PAWR: variants seen among roughly 807,000 people sequenced by gnomAD.
The protein encoded by PAWR is pro-apoptotic WT1 regulator, also known as PRKC apoptosis WT1 regulator protein.
PAWR carries 23 observed loss-of-function variants against 32.0 expected under a neutral mutation model. The observed-to-expected ratio is 0.72, with a 90% confidence interval of 0.52 to 1.02. The LOEUF (loss-of-function observed/expected upper bound fraction) is 1.02. Among genes scored for constraint, PAWR ranks in the 50% least tolerant of loss-of-function variants. The pLI is 0.00. For missense variants in PAWR, 457 were observed against 437.7 expected (o/e 1.04, Z -0.39); for synonymous variants, 226 against 187.1 (o/e 1.21, Z -1.70).
At chr12:79,682,577 T>C (rs1346599497) in intron 2 of PAWR, among the ~76,000 whole-genome samples, 1 of 152,238 alleles carries the variant, frequency 6.6e-6, no homozygotes, top group Non-Finnish European at 1.5e-5. Flanking sequence ...TCAACTGACA[T>C]GCTAAGATTT....
chr12:79,608,510 C>T, intron 4 of PAWR, among the ~76,000 whole-genome samples: 1 of 152,216 alleles, frequency 6.6e-6, no homozygotes, highest in East Asian at 1.9e-4. Flanking sequence ...TCACCTCCTG[C>T]TGTGTGGACT....
Position 79,690,086 on chromosome 12 carries a change from G to A in PAWR, c.159C>T (p.Pro53=). Residue 53 remains proline (P), a synonymous_variant, in exon 2 of 7, where the codon CCC becomes CCT. Transcript: ENST00000328827. ...CCGGGGTGCCCAGAGCCCCCGCGGG[G>A]GGCTTCCCAGCGGCGTCGCTGCTGC... ...GGGSSDAAGK[P]PAGALGTPAA... The A allele has an allele frequency of 6.9e-7, 1 of 1,439,028 alleles. No individual in the cohort carries two copies. Among genetic ancestry groups the A allele is most frequent in the Non-Finnish European group, 9.0e-7 (1 of 1,105,418 alleles). The allele number at this position is 1,439,028 out of a possible 1,614,324, so 89.1% of individuals were successfully genotyped here.
chr12:79,663,513 C>T (rs902316713), intron 2 of PAWR, among the ~76,000 whole-genome samples: 30 of 152,090 alleles, frequency 2.0e-4, no homozygotes, highest in Admixed American at 1.0e-3. Flanking sequence ...TATTTTACAC[C>T]GTGGGAAGCT....
chr12:79,682,921 A>G (rs1341663522), intron 2 of PAWR, among the ~76,000 whole-genome samples: 1 of 152,246 alleles, frequency 6.6e-6, no homozygotes, highest in African/African-American at 2.4e-5. Context: ...TGGCAAACAC[A>G]ATGCTTTAAA....
chr12:79,616,937 G>T (rs977425529), intron 3 of PAWR, among the ~76,000 whole-genome samples: 4 of 152,174 alleles, frequency 2.6e-5, no homozygotes, highest in Non-Finnish European at 5.9e-5. Flanking sequence ...CTTGTATATA[G>T]CTAATATTTC....
intron 2 of PAWR, among the ~76,000 whole-genome samples, chr12:79,650,266 A>C (rs1168263578): frequency 6.6e-6 from 1 of 152,242 alleles, no homozygotes; most frequent in Non-Finnish European, 1.5e-5. Flanking sequence ...ACACATTTTA[A>C]GCAAATTTTG....
chr12:79,689,898 G>T lies in PAWR; in HGVS notation c.347C>A (p.Ser116Tyr). 6.7e-7 allele frequency: 1 copy of T among 1,503,588 alleles called. No individual in the cohort carries two copies. 93.1% of individuals were successfully genotyped at this position (1,503,588 alleles called of 1,614,324 possible). A position where few individuals can be genotyped will look rare whatever the true frequency, so the allele number is the denominator to read the frequency against. ...RRSEDEPPAA[S>Y]ASAAPPPQRD... Reference sequence around the variant, plus strand: ...CTGGGGCGGCGGTGCAGCCGAGGCAGAGGCGGCTGGGGGCTCGTCCTCCGA... The same window carrying T: ...CTGGGGCGGCGGTGCAGCCGAGGCATAGGCGGCTGGGGGCTCGTCCTCCGA... The change falls in exon 2 of 7, where the codon TCT becomes TAT. Residue 116 changes from serine (S) to tyrosine (Y), a missense_variant. Coordinates refer to ENST00000328827, the MANE Select transcript of PAWR (RefSeq NM_002583.4).
intron 4 of PAWR, among the ~76,000 whole-genome samples, chr12:79,605,969 G>C (rs1482671463): frequency 6.6e-6 from 1 of 152,072 alleles, no homozygotes; most frequent in Non-Finnish European, 1.5e-5. Flanking sequence ...AGCTGCTTGG[G>C]AGGCTGAGGG....
chr12:79,664,901 TG>T (rs1246369534), intron 2 of PAWR, among the ~76,000 whole-genome samples: 11 of 152,130 alleles, frequency 7.2e-5, no homozygotes, highest in African/African-American at 2.4e-4. Flanking sequence ...AAAAATGTAG[TG>T]AACATTCAGT....
intron 4 of PAWR, among the ~76,000 whole-genome samples, chr12:79,610,700 AG>A (rs1566001173): frequency 6.6e-6 from 1 of 151,278 alleles, no homozygotes; most frequent in African/African-American, 2.4e-5. Flanking sequence ...CAGAGTTGGG[AG>A]GATCACTTGA....
intron 2 of PAWR, among the ~76,000 whole-genome samples, chr12:79,621,660 A>G (rs1401087685): frequency 6.6e-6 from 1 of 152,190 alleles, no homozygotes; most frequent in Non-Finnish European, 1.5e-5. Context: ...ATATTCTATG[A>G]GCATATAAAG....
intron 2 of PAWR, among the ~76,000 whole-genome samples, chr12:79,625,717 G>A (rs1875264229): frequency 6.6e-6 from 1 of 152,082 alleles, no homozygotes; most frequent in Non-Finnish European, 1.5e-5. Context: ...CTACTCGGGA[G>A]GCTAAGGCAG....
intron 2 of PAWR, among the ~76,000 whole-genome samples, chr12:79,636,742 C>A (rs560392332): frequency 6.6e-6 from 1 of 152,168 alleles, no homozygotes; most frequent in East Asian, 1.9e-4. Context: ...TACAACCGTT[C>A]GTAAAATCCT....
intron 2 of PAWR, among the ~76,000 whole-genome samples, chr12:79,668,717 G>A (rs898894720): frequency 2.6e-4 from 40 of 152,212 alleles, no homozygotes; most frequent in African/African-American, 8.0e-4. Flanking sequence ...TAATGCAAGC[G>A]ATGGGGAATG....
At chr12:79,620,566 A>G (rs1051574967) in intron 3 of PAWR, among the ~76,000 whole-genome samples, 6 of 152,160 alleles carry the variant, frequency 3.9e-5, no homozygotes, top group Non-Finnish European at 7.4e-5. Flanking sequence ...GAGTCCCATA[A>G]AGGGGCAGCC....
chr12:79,609,324 T>C (rs1461663560), intron 4 of PAWR, among the ~76,000 whole-genome samples: 1 of 152,114 alleles, frequency 6.6e-6, no homozygotes, highest in Non-Finnish European at 1.5e-5. Context: ...AGAAAGAAGA[T>C]ATCTGAAATT....
At chr12:79,616,238 T>A (rs1007193291) in intron 3 of PAWR, among the ~76,000 whole-genome samples, 5 of 152,034 alleles carry the variant, frequency 3.3e-5, no homozygotes, top group Admixed American at 2.6e-4. Context: ...AAAATAAAGT[T>A]CTAAAACATC....
intron 4 of PAWR, among the ~76,000 whole-genome samples, chr12:79,601,234 T>A (rs943056268): frequency 4.0e-5 from 5 of 124,012 alleles, no homozygotes; most frequent in Admixed American, 3.2e-4. Context: ...TTTTTTTTTT[T>A]AAGAGACAGG....
At position 79,675,001 on chromosome 12, in the gene PAWR, G is replaced by T. The variant is rs140106942; in HGVS notation, c.516+14728C>A. ...CAGCCACTGTGGAAAGCAGTTTGGA[G>T]ATTTCTCAATGAACTTAAAACAGAA... On this transcript the variant is annotated intron_variant, in intron 2 of 6. Transcript: ENST00000328827. Among the ~76,000 whole-genome samples, 8 of 152,160 alleles carry T rather than the reference G, an allele frequency of 5.3e-5. 1 individual carries two copies. Among genetic ancestry groups the T allele is most frequent in the Non-Finnish European group, 1.2e-4 (8 of 68,020 alleles).
Sources: allele counts gnomAD v4.1 joint callset (sites outside exome capture counted in the v4.1 genomes callset), GRCh38; gene constraint gnomAD v4.1.1; transcripts MANE v1.5; gene names NCBI Gene and HGNC (gene_info 2026-07-23, HGNC 2026-07-21).